EEFSEC: variants seen among roughly 807,000 people sequenced by gnomAD.
EEFSEC encodes the protein selenocysteine-specific elongation factor.
EEFSEC carries 43 observed loss-of-function variants against 42.1 expected under a neutral mutation model. The observed-to-expected ratio is 1.02, with a 90% CI of 0.80 to 1.32. EEFSEC has a LOEUF of 1.32. Ranked by LOEUF, EEFSEC falls within the 40% of genes most tolerant of loss-of-function variation. EEFSEC has a pLI of 0.00. For missense variants in EEFSEC, 745 were observed against 803.6 expected (o/e 0.93, Z 0.88); for synonymous variants, 354 against 339.1 (o/e 1.04, Z -0.48).
chr3:128,184,092 T>A (rs180808123), intron 1 of EEFSEC, among the ~76,000 whole-genome samples: 156 of 152,340 alleles, frequency 1.0e-3, no homozygotes, highest in Non-Finnish European at 4.1e-4. Flanking sequence ...ATTTGATTGA[T>A]CTGGCCTTCC....
intron 1 of EEFSEC, among the ~76,000 whole-genome samples, chr3:128,240,390 G>A (rs891392045): frequency 5.9e-5 from 9 of 152,192 alleles, no homozygotes; most frequent in Admixed American, 1.3e-4. Context: ...TGAAGCTCCT[G>A]GTAAGGTTGT....
intron 1 of EEFSEC, among the ~76,000 whole-genome samples, chr3:128,202,825 C>T (rs931755300): frequency 6.6e-6 from 1 of 152,102 alleles, no homozygotes; most frequent in Admixed American, 6.6e-5. Flanking sequence ...TGAGGAAATT[C>T]CTCCTGTTCC....
intron 1 of EEFSEC, among the ~76,000 whole-genome samples, chr3:128,235,360 C>T (rs2065997909): frequency 6.6e-6 from 1 of 152,118 alleles, no homozygotes; most frequent in African/African-American, 2.4e-5. Context: ...TGAGCCACCG[C>T]GCCCAGCCTG....
chr3:128,325,530 G>C (rs560535066), intron 4 of EEFSEC, among the ~76,000 whole-genome samples: 3 of 152,316 alleles, frequency 2.0e-5, no homozygotes, highest in African/African-American at 4.8e-5. Flanking sequence ...ATGTTTGCAC[G>C]GGGAGGAATT....
chr3:128,239,428 T>C (rs1343527974), intron 1 of EEFSEC, among the ~76,000 whole-genome samples: 1 of 152,172 alleles, frequency 6.6e-6, no homozygotes, highest in Non-Finnish European at 1.5e-5. Context: ...GTGTTGTCTC[T>C]GGCATCAGCA....
Position 128,408,625 on chromosome 3 carries a change from C to A in EEFSEC, c.*366C>A. On this transcript the variant is annotated 3_prime_UTR_variant, in exon 7 of 7. Coordinates refer to ENST00000254730, the MANE Select transcript of EEFSEC (RefSeq NM_021937.5). ...GCACTTGATGGCTACAAATAAATGTCCCGTGGCCCCAGCCCACTCTACTGG... is the reference window on the plus strand; with the variant it reads ...GCACTTGATGGCTACAAATAAATGTACCGTGGCCCCAGCCCACTCTACTGG... The A allele has an allele frequency of 5.1e-6, 1 of 194,906 alleles. No homozygotes were observed. The highest frequency in any genetic ancestry group is 1.0e-5 in the Non-Finnish European group (1 of 96,382). 12.1% of individuals were successfully genotyped at this position (194,906 alleles called of 1,614,324 possible).
intron 1 of EEFSEC, among the ~76,000 whole-genome samples, chr3:128,167,125 C>T (rs1029478444): frequency 3.3e-5 from 5 of 152,102 alleles, no homozygotes; most frequent in Admixed American, 6.5e-5. Context: ...ATTCTGGCTA[C>T]GTGCACTTTT....
intron 6 of EEFSEC, among the ~76,000 whole-genome samples, chr3:128,380,723 C>T (rs2067765669): frequency 6.6e-6 from 1 of 152,224 alleles, no homozygotes; most frequent in East Asian, 1.9e-4. Flanking sequence ...TATGTTATCC[C>T]ATAGTCCGAA....
At chr3:128,176,828 A>G (rs1169435506) in intron 1 of EEFSEC, among the ~76,000 whole-genome samples, 4 of 151,942 alleles carry the variant, frequency 2.6e-5, no homozygotes, top group East Asian at 1.9e-4. Flanking sequence ...CTAGTACATG[A>G]TAAGCTTTTA....
chr3:128,154,684 C>A (rs1944340645), intron 1 of EEFSEC, among the ~76,000 whole-genome samples: 1 of 152,056 alleles, frequency 6.6e-6, no homozygotes, highest in African/African-American at 2.4e-5. Flanking sequence ...CTCCTGACTT[C>A]ATGACCCGCC....
chr3:128,178,546 G>T (rs775840487), intron 1 of EEFSEC, among the ~76,000 whole-genome samples: 1 of 115,930 alleles, frequency 8.6e-6, no homozygotes, highest in Non-Finnish European at 2.0e-5. Flanking sequence ...TCATTCTTTC[G>T]GGGGCAGGCA....
chr3:128,328,985 C>T (rs2067095563), intron 4 of EEFSEC, among the ~76,000 whole-genome samples: 1 of 152,172 alleles, frequency 6.6e-6, no homozygotes, highest in Admixed American at 6.5e-5. Flanking sequence ...AGTGGCAGCT[C>T]AATTGGATGA....
chr3:128,263,864 A>C (rs1025559208), intron 3 of EEFSEC, among the ~76,000 whole-genome samples: 1 of 152,202 alleles, frequency 6.6e-6, no homozygotes, highest in Non-Finnish European at 1.5e-5. Flanking sequence ...TCCGCAGAGA[A>C]GGAAGGACCC....
intron 1 of EEFSEC, among the ~76,000 whole-genome samples, chr3:128,190,177 T>C (rs2065508744): frequency 6.6e-6 from 1 of 152,222 alleles, no homozygotes. Context: ...CTTCTACTTC[T>C]AACAACAAAA....
At chr3:128,389,645 A>G (rs2067884004) in intron 6 of EEFSEC, among the ~76,000 whole-genome samples, 3 of 152,270 alleles carry the variant, frequency 2.0e-5, no homozygotes, top group Admixed American at 2.0e-4. Flanking sequence ...AGTTACAGGA[A>G]GATCGGGAGG....
intron 1 of EEFSEC, among the ~76,000 whole-genome samples, chr3:128,155,573 T>C (rs897976901): frequency 6.6e-6 from 1 of 152,242 alleles, no homozygotes; most frequent in Admixed American, 6.5e-5. Flanking sequence ...AGTATACTTC[T>C]CACTGCTGAC....
At chr3:128,189,558 CTTTTTT>C (rs3037702) in intron 1 of EEFSEC, among the ~76,000 whole-genome samples, 2 of 137,150 alleles carry the variant, frequency 1.5e-5, no homozygotes, top group African/African-American at 5.4e-5. Context: ...GACTTCTTTT[CTTTTTT>C]TTTTTTTTTT....
intron 6 of EEFSEC, chr3:128,362,366 C>T: frequency 2.2e-6 from 1 of 452,228 alleles, no homozygotes; most frequent in Non-Finnish European, 4.6e-6. Context: ...TTCCTAATGA[C>T]AGCTCTGAGT....
intron 1 of EEFSEC, among the ~76,000 whole-genome samples, chr3:128,183,157 G>A (rs1360424532): frequency 2.0e-5 from 3 of 152,176 alleles, no homozygotes; most frequent in Non-Finnish European, 4.4e-5. Flanking sequence ...CTACCTGTTA[G>A]AGTTGCTTCG....
Sources: allele counts gnomAD v4.1 joint callset (sites outside exome capture counted in the v4.1 genomes callset), GRCh38; gene constraint gnomAD v4.1.1; transcripts MANE v1.5; gene names NCBI Gene and HGNC (gene_info 2026-07-23, HGNC 2026-07-21).